SHISAL1: variants seen among roughly 807,000 people sequenced by gnomAD.
SHISAL1 encodes protein shisa-like-1.
A neutral mutation model predicts 22.6 loss-of-function variants in SHISAL1; 9 were observed. The ratio of observed to expected loss-of-function variants is 0.40; its 90% CI spans 0.24 to 0.70. The LOEUF is 0.70. SHISAL1 is among the 30% of genes least tolerant of loss of function. SHISAL1 has a pLI of 0.39. For synonymous variants in SHISAL1, 119 were observed against 115.4 expected, an observed-to-expected ratio of 1.03 and a Z score of -0.20; for missense variants, 246 against 270.6, an observed-to-expected ratio of 0.91 and a Z score of 0.64.
chr22:44,302,867 G>A lies in SHISAL1; in HGVS notation c.-32-1890C>T, dbSNP rs1235045185. On this transcript the variant is annotated intron_variant, in intron 1 of 4. Transcript: ENST00000381176. The stretch of plus-strand genomic sequence containing the variant: ...CGGTGAGGAGGCAGCAGGGGCAAAG[G>A]CCCTGGGGTGGGTGCGGTGAGGAGG... Among the ~76,000 whole-genome samples, 22 of 89,888 alleles carry A rather than the reference G, an allele frequency of 2.4e-4. No homozygotes were observed. The East Asian group carries it at 5.3e-3, about 22-fold the overall frequency. 59.0% of individuals were successfully genotyped at this position (89,888 alleles called of 152,430 possible).
intron 4 of SHISAL1, among the ~76,000 whole-genome samples, chr22:44,270,598 C>A (rs1478318916): frequency 2.6e-5 from 4 of 152,180 alleles, no homozygotes. Flanking sequence ...AGGGCCAGCT[C>A]GCATGGAGGC....
intron 3 of SHISAL1, among the ~76,000 whole-genome samples, chr22:44,294,113 C>T: frequency 6.6e-6 from 1 of 152,264 alleles, no homozygotes; most frequent in Non-Finnish European, 1.5e-5. Flanking sequence ...AGTCCTGGCA[C>T]TACCCTCGTC....
intron 4 of SHISAL1, among the ~76,000 whole-genome samples, chr22:44,284,855 C>T (rs1321809520): frequency 6.6e-6 from 1 of 151,526 alleles, no homozygotes; most frequent in Non-Finnish European, 1.5e-5. Flanking sequence ...GGGCAGCCAC[C>T]CCACAAGGCC....
intron 4 of SHISAL1, among the ~76,000 whole-genome samples, chr22:44,283,166 G>A (rs2055288360): frequency 6.6e-6 from 1 of 152,234 alleles, no homozygotes; most frequent in African/African-American, 2.4e-5. Flanking sequence ...TCCAGCCAGG[G>A]ACTGGCTATT....
At chr22:44,289,075 T>G (rs1034633868) in intron 3 of SHISAL1, among the ~76,000 whole-genome samples, 4 of 152,232 alleles carry the variant, frequency 2.6e-5, no homozygotes, top group African/African-American at 9.6e-5. Context: ...ATAGGCTGCA[T>G]GTCTTGTGCG....
chr22:44,261,804 C>T (rs760231729), intron 4 of SHISAL1, among the ~76,000 whole-genome samples: 2 of 152,258 alleles, frequency 1.3e-5, no homozygotes, highest in Admixed American at 6.5e-5. Context: ...GGAGAGCACT[C>T]GCCTGCCCTG....
At chr22:44,253,029 A>T (rs1379361823) in intron 4 of SHISAL1, among the ~76,000 whole-genome samples, 2 of 152,024 alleles carry the variant, frequency 1.3e-5, no homozygotes, top group Non-Finnish European at 2.9e-5. Flanking sequence ...AAAAGGGCAG[A>T]TGATTTTTAC....
In SHISAL1 at chr22:44,302,177, C is replaced by T. The variant is rs929082222; in HGVS notation, c.-32-1200G>A. Among the ~76,000 whole-genome samples the T allele has an allele frequency of 9.9e-5, 15 of 151,994 alleles. 1 individual carries two copies. In the South Asian group the frequency reaches 1.0e-3, roughly 11 times the overall value. Reference sequence around the variant, plus strand: ...CCAACCTGGACAAACGCTGTCTCTACGAAAAATACAAAATTAGCCGGGCAT... The same window carrying T: ...CCAACCTGGACAAACGCTGTCTCTATGAAAAATACAAAATTAGCCGGGCAT... On this transcript the variant is annotated intron_variant, in intron 1 of 4. Transcript: ENST00000381176.
chr22:44,307,010 C>T (rs1359374570), intron 1 of SHISAL1, among the ~76,000 whole-genome samples: 1 of 152,118 alleles, frequency 6.6e-6, no homozygotes, highest in Non-Finnish European at 1.5e-5. Context: ...TGGAGGGGAC[C>T]TGGGATCTGG....
Position 44,266,438 on chromosome 22 carries a change from G to A in SHISAL1, c.*-16753C>T, listed in dbSNP as rs193239514. ...TGTTGGGGGGCTGTGTGTGTGTTGG[G>A]GGGTTGTGTGTGTGGGGCTGTGTGT... On this transcript the variant is annotated intron_variant, in intron 4 of 4. Coordinates refer to ENST00000381176, the MANE Select transcript of SHISAL1 (RefSeq NM_001099294.2). 1.6e-3 allele frequency among the ~76,000 whole-genome samples: 231 copies of A among 143,836 alleles called. 2 individuals carry two copies. Among genetic ancestry groups the A allele is most frequent in the Admixed American group, 3.4e-3 (49 of 14,400 alleles). 94.4% of individuals were successfully genotyped at this position (143,836 alleles called of 152,430 possible).
At chr22:44,257,317 A>C (rs1363435702) in intron 4 of SHISAL1, among the ~76,000 whole-genome samples, 2 of 152,246 alleles carry the variant, frequency 1.3e-5, no homozygotes, top group Admixed American at 1.3e-4. Context: ...TATCAGCAGG[A>C]TGCCAGGTCA....
At chr22:44,328,781 C>T in the SHISAL1 span, among the ~76,000 whole-genome samples, 1 of 152,130 alleles carries the variant, frequency 6.6e-6, no homozygotes, top group African/African-American at 2.4e-5. Context: ...CCCCTCCTCC[C>T]TGCCCCACCC....
At chr22:44,277,896 GACA>G (rs2055250861) in intron 4 of SHISAL1, among the ~76,000 whole-genome samples, 1 of 152,186 alleles carries the variant, frequency 6.6e-6, no homozygotes, top group Admixed American at 6.5e-5. Context: ...TGTGCAGGAT[GACA>G]ACACTGCCCT....
intron 4 of SHISAL1, among the ~76,000 whole-genome samples, chr22:44,262,931 A>C (rs1346802097): frequency 6.6e-6 from 1 of 152,176 alleles, no homozygotes; most frequent in Non-Finnish European, 1.5e-5. Context: ...AAAGCAGAGG[A>C]GTCATGAGGC....
At chr22:44,283,261 A>C (rs1334719976) in intron 4 of SHISAL1, among the ~76,000 whole-genome samples, 6 of 152,164 alleles carry the variant, frequency 3.9e-5, no homozygotes, top group Non-Finnish European at 5.9e-5. Flanking sequence ...CTGAGCCTGC[A>C]CTCAGGACGG....
At position 44,255,192 on chromosome 22, in the gene SHISAL1, T is replaced by TA. The variant is rs1569207266; in HGVS notation, c.*-5508_*-5507insT. 7.0e-3 allele frequency among the ~76,000 whole-genome samples: 1,061 copies of TA among 151,900 alleles called. 16 individuals are homozygous for TA. Among genetic ancestry groups the TA allele is most frequent in the African/African-American group, 0.024 (991 of 41,404 alleles). On this transcript the variant is annotated intron_variant, in intron 4 of 4. Coordinates refer to ENST00000381176, the MANE Select transcript of SHISAL1 (RefSeq NM_001099294.2). ...ACACTGTATGTTGATATATATATATTTTTTTTGAGATGGAGTCGGAGTTTC... is the reference window on the plus strand; with the variant it reads ...ACACTGTATGTTGATATATATATATTATTTTTTGAGATGGAGTCGGAGTTTC...
At chr22:44,262,548 C>A (rs1157008850) in intron 4 of SHISAL1, among the ~76,000 whole-genome samples, 1 of 152,252 alleles carries the variant, frequency 6.6e-6, no homozygotes, top group South Asian at 2.1e-4. Context: ...GTCCCTGCAA[C>A]TTGCTGATGA....
chr22:44,266,750 G>A (rs930565631), intron 4 of SHISAL1, among the ~76,000 whole-genome samples: 6 of 152,052 alleles, frequency 3.9e-5, no homozygotes, highest in African/African-American at 9.7e-5. Flanking sequence ...GTGCACAGGG[G>A]AAATGGCCGT....
At chr22:44,293,245 G>A (rs768786939) in intron 3 of SHISAL1, among the ~76,000 whole-genome samples, 2 of 152,210 alleles carry the variant, frequency 1.3e-5, no homozygotes, top group African/African-American at 4.8e-5. Flanking sequence ...AAGGAGCTGC[G>A]TCCTCCTCTG....
Sources: gnomAD v4.1 joint callset for allele counts (sites outside exome capture counted in the v4.1 genomes callset) on GRCh38, gnomAD v4.1.1 for gene constraint, MANE v1.5 for transcripts, NCBI Gene and HGNC (gene_info 2026-07-23, HGNC 2026-07-21) for gene names.